TYW1: variants seen among roughly 807,000 people sequenced by gnomAD.
TYW1 encodes S-adenosyl-L-methionine-dependent tRNA 4-demethylwyosine synthase TYW1.
In TYW1, 46 loss-of-function variants were observed where a neutral mutation model predicts 96.2. That is an observed-to-expected ratio of 0.48 (90% CI 0.38 to 0.61). The LOEUF (loss-of-function observed/expected upper bound fraction) is 0.61. Among genes scored for constraint, TYW1 ranks in the 20% least tolerant of loss-of-function variants. The pLI is 0.00. For missense variants in TYW1, 684 were observed against 909.6 expected (o/e 0.75, Z 3.19); for synonymous variants, 274 against 323.0 (o/e 0.85, Z 1.63).
At chr7:67,152,386 G>T (rs1798830085) in intron 13 of TYW1, among the ~76,000 whole-genome samples, 1 of 152,018 alleles carries the variant, frequency 6.6e-6, no homozygotes, top group Non-Finnish European at 1.5e-5. Flanking sequence ...CTCACCATCA[G>T]TTTCCTCTTG....
intron 7 of TYW1, among the ~76,000 whole-genome samples, chr7:67,037,083 A>G (rs1368218442): frequency 4.6e-5 from 7 of 152,188 alleles, no homozygotes; most frequent in East Asian, 1.9e-4. Flanking sequence ...CTCTGTGGTA[A>G]GGCTCAGTCT....
chr7:67,027,421 C>T (rs1462895575), intron 7 of TYW1, among the ~76,000 whole-genome samples: 1 of 150,918 alleles, frequency 6.6e-6, no homozygotes, highest in Non-Finnish European at 1.5e-5. Context: ...TTTTACATGA[C>T]CATAGTAGAA....
At chr7:67,109,604 G>A (rs1407447177) in intron 12 of TYW1, among the ~76,000 whole-genome samples, 1 of 152,116 alleles carries the variant, frequency 6.6e-6, no homozygotes. Flanking sequence ...AGCTCGGCTG[G>A]GAGCAGTGGC....
intron 11 of TYW1, among the ~76,000 whole-genome samples, chr7:67,091,849 G>A (rs1410771647): frequency 6.6e-6 from 1 of 151,976 alleles, no homozygotes; most frequent in Non-Finnish European, 1.5e-5. Context: ...TTTTTGTCTT[G>A]TATTTTGTTT....
In TYW1 at chr7:67,149,772, ATCTC is replaced by A. The variant is rs78241871; in HGVS notation, c.1698+32158_1698+32161del. On this transcript the variant is annotated intron_variant, in intron 13 of 15. Transcript: ENST00000359626. ...TATCTATCTATCTATCTATCTATCTATCTCTCTATGTTAAAAACCTGAAGGGATA... is the reference window on the plus strand; with the variant it reads ...TATCTATCTATCTATCTATCTATCTATCTATGTTAAAAACCTGAAGGGATA... 9.8e-3 allele frequency among the ~76,000 whole-genome samples: 816 copies of A among 82,942 alleles called. 7 individuals are homozygous for A. Among genetic ancestry groups the A allele is most frequent in the East Asian group, 0.017 (74 of 4,390 alleles). The allele number at this position is 82,942 out of a possible 152,430, so 54.4% of individuals were successfully genotyped here.
chr7:67,227,669 C>T (rs1801611015), intron 15 of TYW1, among the ~76,000 whole-genome samples: 1 of 152,006 alleles, frequency 6.6e-6, no homozygotes, highest in African/African-American at 2.4e-5. Context: ...AGACATGTAG[C>T]AGTCAACTGT....
intron 13 of TYW1, among the ~76,000 whole-genome samples, chr7:67,166,050 A>G (rs1799311496): frequency 6.6e-6 from 1 of 152,098 alleles, no homozygotes; most frequent in Admixed American, 6.6e-5. Flanking sequence ...GACCAGCCTG[A>G]CAATATAGCG....
At position 67,233,359 on chromosome 7, in the gene TYW1, C is replaced by T. The variant is rs185416916; in HGVS notation, c.1978-4949C>T. 2.1e-4 allele frequency among the ~76,000 whole-genome samples: 29 copies of T among 135,784 alleles called. 4 individuals carry two copies. The East Asian group carries it at 4.1e-3, about 19-fold the overall frequency. 89.1% of individuals were successfully genotyped at this position (135,784 alleles called of 152,430 possible). ...CATTATTATTGTTTAGCGAAATTCT[C>T]CCTGTGTGAAAGAGGAGAACATAAG... On this transcript the variant is annotated intron_variant, in intron 15 of 15. Coordinates refer to ENST00000359626, the MANE Select transcript of TYW1 (RefSeq NM_018264.4).
At chr7:67,073,113 C>G (rs1285477219) in intron 10 of TYW1, among the ~76,000 whole-genome samples, 1 of 151,800 alleles carries the variant, frequency 6.6e-6, no homozygotes, top group African/African-American at 2.4e-5. Flanking sequence ...TTTTAGTTAT[C>G]TCGAGATGTG....
At chr7:67,030,002 G>A (rs1388354265) in intron 7 of TYW1, among the ~76,000 whole-genome samples, 3 of 152,172 alleles carry the variant, frequency 2.0e-5, no homozygotes, top group Non-Finnish European at 4.4e-5. Context: ...AGATACTCTG[G>A]GGAGTGGGCA....
chr7:67,184,187 T>G (rs1198407312), intron 14 of TYW1, among the ~76,000 whole-genome samples: 1 of 152,224 alleles, frequency 6.6e-6, no homozygotes, highest in Non-Finnish European at 1.5e-5. Flanking sequence ...AACTAAAAAT[T>G]TTAATTTCCT....
rs569706033 is a variant in TYW1 at position 67,139,926 on chromosome 7, A to G, written c.1698+22308A>G. On this transcript the variant is annotated intron_variant, in intron 13 of 15. Coordinates refer to ENST00000359626, the MANE Select transcript of TYW1 (RefSeq NM_018264.4). ...ATCCCTTGGGTGTTAGTCCATTTTCATGCTGCTGATAAAGACACACCCGAG... is the reference window on the plus strand; with the variant it reads ...ATCCCTTGGGTGTTAGTCCATTTTCGTGCTGCTGATAAAGACACACCCGAG... Among the ~76,000 whole-genome samples, 17 of 152,240 alleles carry G rather than the reference A, an allele frequency of 1.1e-4. No homozygotes were observed. The East Asian group carries it at 3.1e-3, about 28-fold the overall frequency.
intron 7 of TYW1, among the ~76,000 whole-genome samples, chr7:67,035,204 C>T (rs563938252): frequency 1.4e-4 from 21 of 151,444 alleles, no homozygotes; most frequent in East Asian, 9.8e-4. Context: ...CTGCAACTTC[C>T]GCCTCCCAGT....
At chr7:67,034,481 G>A (rs544424686) in intron 7 of TYW1, among the ~76,000 whole-genome samples, 17 of 152,002 alleles carry the variant, frequency 1.1e-4, no homozygotes, top group African/African-American at 4.1e-4. Flanking sequence ...GTTTTTCCTG[G>A]ATCCGCTTTT....
chr7:67,167,498 A>C (rs1799378131), intron 13 of TYW1, among the ~76,000 whole-genome samples: 1 of 149,366 alleles, frequency 6.7e-6, no homozygotes, highest in African/African-American at 2.5e-5. Flanking sequence ...AAAAAAAGGA[A>C]AGTCATGAAG....
chr7:67,103,176 G>C (rs1797141442), intron 12 of TYW1, among the ~76,000 whole-genome samples: 1 of 152,232 alleles, frequency 6.6e-6, no homozygotes, highest in African/African-American at 2.4e-5. Context: ...GCAAGTCTGA[G>C]ATCTGCAGAT....
chr7:67,215,441 G>A (rs1312061461), intron 15 of TYW1, among the ~76,000 whole-genome samples: 1 of 151,764 alleles, frequency 6.6e-6, no homozygotes, highest in Non-Finnish European at 1.5e-5. Context: ...TGGACAAAAT[G>A]AATTTTTCTT....
intron 13 of TYW1, among the ~76,000 whole-genome samples, chr7:67,175,170 A>T (rs1799631729): frequency 1.5e-5 from 2 of 136,772 alleles, no homozygotes; most frequent in Admixed American, 7.5e-5. Flanking sequence ...TTAGTTCAGA[A>T]TTTTTTTTTT....
intron 10 of TYW1, among the ~76,000 whole-genome samples, chr7:67,068,559 C>T (rs895673751): frequency 1.3e-5 from 2 of 152,176 alleles, no homozygotes; most frequent in African/African-American, 2.4e-5. Context: ...TCTTCTAGTA[C>T]CCCACCCACC....
Sources: allele counts gnomAD v4.1 joint callset (sites outside exome capture counted in the v4.1 genomes callset), GRCh38; gene constraint gnomAD v4.1.1; transcripts MANE v1.5; gene names NCBI Gene and HGNC (gene_info 2026-07-23, HGNC 2026-07-21).